NOS1: variants seen among roughly 807,000 people sequenced by gnomAD.
NOS1 encodes the protein nitric oxide synthase 1, also known as NOS type I.
NOS1 carries 51 observed loss-of-function variants against 164.5 expected under a neutral mutation model. The observed-to-expected ratio is 0.31, with a 90% CI of 0.25 to 0.39. The LOEUF is 0.39. NOS1 is among the 10% of genes least tolerant of loss of function. NOS1 has a pLI of 1.00. For missense variants in NOS1, 1,362 were observed against 1,885.6 expected, an observed-to-expected ratio of 0.72 and a Z score of 5.14; for synonymous variants, 719 against 745.8, an observed-to-expected ratio of 0.96 and a Z score of 0.59.
chr12:117,256,385 T>C (rs930242033), intron 16 of NOS1, among the ~76,000 whole-genome samples: 5 of 149,332 alleles, frequency 3.3e-5, no homozygotes, highest in Non-Finnish European at 5.9e-5. Context: ...CTCAAGTGAT[T>C]CTCCTGCCTC....
intron 2 of NOS1, among the ~76,000 whole-genome samples, chr12:117,319,906 C>G (rs1874838709): frequency 6.6e-6 from 1 of 152,148 alleles, no homozygotes; most frequent in Non-Finnish European, 1.5e-5. Context: ...CTAGGAGAAA[C>G]CTTAAGGCTC....
intron 11 of NOS1, among the ~76,000 whole-genome samples, chr12:117,265,800 C>CT (rs1010433336): frequency 2.7e-5 from 4 of 150,560 alleles, no homozygotes; most frequent in Admixed American, 6.6e-5. Context: ...CTTTCTTTTT[C>CT]TTTTTTTTGA....
At chr12:117,332,701 C>T (rs1401757981) in intron 1 of NOS1, among the ~76,000 whole-genome samples, 1 of 152,140 alleles carries the variant, frequency 6.6e-6, no homozygotes, top group Non-Finnish European at 1.5e-5. Flanking sequence ...TTCGTCTCTA[C>T]TAAAAATACA....
intron 3 of NOS1, among the ~76,000 whole-genome samples, chr12:117,292,871 T>C (rs1164694085): frequency 1.3e-5 from 2 of 151,872 alleles, no homozygotes; most frequent in African/African-American, 4.8e-5. Flanking sequence ...CTGTAGGGGG[T>C]GACGAAAACT....
chr12:117,223,994 C>T (rs184113641), intron 25 of NOS1, among the ~76,000 whole-genome samples: 1 of 152,246 alleles, frequency 6.6e-6, no homozygotes, highest in East Asian at 1.9e-4. Context: ...TCCCTATTTG[C>T]AAAATGGAAG....
At chr12:117,357,646 G>A (rs1371202229) in intron 1 of NOS1, among the ~76,000 whole-genome samples, 2 of 152,078 alleles carry the variant, frequency 1.3e-5, no homozygotes, top group Non-Finnish European at 2.9e-5. Context: ...ATCTCCTGGA[G>A]CAACCTTGTT....
chr12:117,253,491 G>A (rs544827147), intron 17 of NOS1, 147 bp downstream of exon 17: 142 of 649,544 alleles, frequency 2.2e-4, no homozygotes, highest in African/African-American at 2.1e-3. Context: ...GGGTGGGAGG[G>A]GTCCCAGACA....
rs889489376 is a variant in NOS1, at chr12:117,222,400, T to G, written c.3975+315A>C. ...CCTGCCAAGTAGCTGGGACTACAGGTGTGCACCACCATGCCTGGCTAATTT... is the reference window on the plus strand; with the variant it reads ...CCTGCCAAGTAGCTGGGACTACAGGGGTGCACCACCATGCCTGGCTAATTT... On this transcript the variant is annotated intron_variant, in intron 26 of 28. Transcript: ENST00000317775. Among the ~76,000 whole-genome samples, 3 of 152,170 alleles carry G rather than the reference T, an allele frequency of 2.0e-5. No individual in the cohort carries two copies. In the East Asian group the frequency reaches 5.8e-4, roughly 30 times the overall value.
At chr12:117,220,305 C>T in intron 26 of NOS1, 36 bp from the exon 27 acceptor site, 1 of 1,559,316 alleles carries the variant, frequency 6.4e-7, no homozygotes, top group African/African-American at 1.4e-5. Flanking sequence ...AGGGGCTGGG[C>T]TGTGCAACGT....
In NOS1 at chr12:117,288,223, G is replaced by A. The variant is rs1364496340; in HGVS notation, c.982-4C>T. The A allele has an allele frequency of 1.9e-6, 3 of 1,610,562 alleles. No homozygotes were observed. In the East Asian group the frequency reaches 6.7e-5, roughly 36 times the overall value. The stretch of plus-strand genomic sequence containing the variant: ...TGTACTCAGTGCATCCCGTTTCCTG[G>A]AAGATCAAGAGATTTGGGGTATTGC... On this transcript the variant is annotated splice_region_variant and splice_polypyrimidine_tract_variant and intron_variant, in intron 4 of 28. Transcript: ENST00000317775.
chr12:117,216,019 A>G (rs1265409519), intron 28 of NOS1, among the ~76,000 whole-genome samples: 1 of 151,440 alleles, frequency 6.6e-6, no homozygotes, highest in African/African-American at 2.4e-5. Context: ...CTGGGATTAT[A>G]GGCACATGCT....
chr12:117,337,104 C>CTATTTTTTTTTTTTTTTTTTT lies in NOS1; in HGVS notation c.-420-5616_-420-5615insAAAAAAAAAAAAAAAAAAATA, dbSNP rs1566082153. On this transcript the variant is annotated intron_variant, in intron 1 of 28. Coordinates refer to ENST00000317775, the MANE Select transcript of NOS1 (RefSeq NM_000620.5). ...AGCCACTGTACCCAGCTGCTTTTTA[C>CTATTTTTTTTTTTTTTTTTTT]TCTTTTTTTTTTTTTTTTTTTTTTT... Among the ~76,000 whole-genome samples, 12 of 94,074 alleles carry CTATTTTTTTTTTTTTTTTTTT rather than the reference C, an allele frequency of 1.3e-4. 3 individuals are homozygous for CTATTTTTTTTTTTTTTTTTTT. Among genetic ancestry groups the CTATTTTTTTTTTTTTTTTTTT allele is most frequent in the Non-Finnish European group, 1.3e-4 (6 of 47,796 alleles). The allele number at this position is 94,074 out of a possible 152,430, so 61.7% of individuals were successfully genotyped here. A position where few individuals can be genotyped will look rare whatever the true frequency, so the allele number is the denominator to read the frequency against.
intron 3 of NOS1, among the ~76,000 whole-genome samples, chr12:117,293,686 A>G (rs1159867203): frequency 6.6e-6 from 1 of 151,212 alleles, no homozygotes; most frequent in Non-Finnish European, 1.5e-5. Flanking sequence ...TACTACTTGT[A>G]TTATTACTTG....
chr12:117,311,447 C>G lies in NOS1; in HGVS notation c.852+19G>C. 6.3e-7 allele frequency: 1 copy of G among 1,590,366 alleles called. No individual in the cohort carries two copies. Among genetic ancestry groups the G allele is most frequent in the Non-Finnish European group, 8.6e-7 (1 of 1,167,832 alleles). The stretch of plus-strand genomic sequence containing the variant: ...AAGGCGTGGGAAGCAGTGGTACCAG[C>G]TTGGCATCAAGCACTTACCTGCTCC... On this transcript the variant is annotated intron_variant, in intron 3 of 28. Coordinates refer to ENST00000317775, the MANE Select transcript of NOS1 (RefSeq NM_000620.5).
Position 117,256,869 on chromosome 12 carries a change from C to T in NOS1, c.2531+1528G>A, listed in dbSNP as rs1871501107. ...GGCAGATCACCTGAGGTCAGGAGTT[C>T]GAGACCAGCCTGGCAAACATGGTGA... On this transcript the variant is annotated intron_variant, in intron 16 of 28. Transcript: ENST00000317775. Among the ~76,000 whole-genome samples, 4 of 151,726 alleles carry T rather than the reference C, an allele frequency of 2.6e-5. No homozygotes were observed. In the Middle Eastern group the frequency reaches 0.01, roughly 387 times the overall value.
At position 117,301,843 on chromosome 12, in the gene NOS1, T is replaced by C. The variant is rs530664862; in HGVS notation, c.852+9623A>G. 1.1e-3 allele frequency among the ~76,000 whole-genome samples: 170 copies of C among 152,340 alleles called. 2 individuals carry two copies. The highest frequency in any genetic ancestry group is 3.9e-3 in the African/African-American group (162 of 41,574). ...ACCTGTTGGCCACAAGGGTTTCATC[T>C]GTAAAATGGGCACAGTGCTTCTTAT... On this transcript the variant is annotated intron_variant, in intron 3 of 28. Coordinates refer to ENST00000317775, the MANE Select transcript of NOS1 (RefSeq NM_000620.5).
rs9658404 is a variant in NOS1, at chr12:117,263,681, T to C, written c.2222+208A>G. Among the ~76,000 whole-genome samples the C allele has an allele frequency of 6.8e-3, 1,032 of 151,132 alleles. 11 individuals carry two copies. The highest frequency in any genetic ancestry group is 0.024 in the African/African-American group (984 of 41,068). On this transcript the variant is annotated intron_variant, in intron 13 of 28. Transcript: ENST00000317775. The stretch of plus-strand genomic sequence containing the variant: ...AGGACAAGAATTTAGGAAACCAGTG[T>C]GAGGAAAGTGAGGCTGAGAAGGAGA...
chr12:117,267,907 T>G, intron 11 of NOS1, 136 bp downstream of exon 11: 1 of 625,936 alleles, frequency 1.6e-6, no homozygotes, highest in Non-Finnish European at 2.8e-6. Flanking sequence ...GGATGGAAGC[T>G]AGACCATACT....
At chr12:117,284,966 C>T (rs555470815) in intron 7 of NOS1, among the ~76,000 whole-genome samples, 1 of 150,748 alleles carries the variant, frequency 6.6e-6, no homozygotes, top group Non-Finnish European at 1.5e-5. Context: ...AGGAGAATCG[C>T]TTGAACCTGG....
Sources: allele counts gnomAD v4.1 joint callset (sites outside exome capture counted in the v4.1 genomes callset), GRCh38; gene constraint gnomAD v4.1.1; transcripts MANE v1.5; gene names NCBI Gene and HGNC (gene_info 2026-07-23, HGNC 2026-07-21).